Variants in CC2D2A observed in about 807,000 individuals in gnomAD.
CC2D2A encodes coiled-coil and C2 domain containing 2A.
A neutral mutation model predicts 212.9 loss-of-function variants in CC2D2A; 155 were observed. The observed-to-expected ratio is 0.73, with a 90% CI of 0.64 to 0.83. CC2D2A has a LOEUF of 0.83. CC2D2A is among the 40% of genes least tolerant of loss of function. The pLI, the probability that CC2D2A is intolerant of heterozygous loss-of-function variation, is 0.00. For missense variants in CC2D2A, 1,856 were observed against 1,956.2 expected, an observed-to-expected ratio of 0.95 and a Z score of 0.97; for synonymous variants, 667 against 686.5, an observed-to-expected ratio of 0.97 and a Z score of 0.44.
chr4:15,482,179 T>A (rs1326882999), intron 4 of CC2D2A: 2 of 985,338 alleles, frequency 2.0e-6, no homozygotes, highest in Non-Finnish European at 2.4e-6. Flanking sequence ...AAGTAGACTC[T>A]TAGATTGGAA....
intron 33 of CC2D2A, among the ~76,000 whole-genome samples, chr4:15,591,478 C>G (rs1362391212): frequency 6.6e-6 from 1 of 152,170 alleles, no homozygotes; most frequent in Admixed American, 6.5e-5. Flanking sequence ...CTCAGCCTCC[C>G]AAAGTGCTGG....
intron 11 of CC2D2A, among the ~76,000 whole-genome samples, chr4:15,524,711 A>G (rs1209889210): frequency 3.3e-5 from 5 of 152,106 alleles, no homozygotes; most frequent in Non-Finnish European, 7.4e-5. Context: ...TTGGCCTCCC[A>G]AAGTGCTGGG....
chr4:15,499,935 GGA>G (rs1715828601), intron 4 of CC2D2A, among the ~76,000 whole-genome samples: 2 of 142,874 alleles, frequency 1.4e-5, no homozygotes, highest in Admixed American at 1.4e-4. Context: ...CTGGGGAGGA[GGA>G]AACGGGTACT....
At chr4:15,555,608 G>A (rs761600395) in intron 20 of CC2D2A, among the ~76,000 whole-genome samples, 2 of 152,164 alleles carry the variant, frequency 1.3e-5, no homozygotes, top group African/African-American at 4.8e-5. Flanking sequence ...GCACGGTGGC[G>A]CATGCCTATA....
chr4:15,599,809 A>AG (rs1721501220), intron 36 of CC2D2A, 103 bp downstream of exon 36: 1 of 807,694 alleles, frequency 1.2e-6, no homozygotes, highest in African/African-American at 1.7e-5. Context: ...CGTTGCTCCC[A>AG]GAAGTACATA....
rs1700317641 is a variant in CC2D2A, at chr4:15,601,262, C to T, written c.4700C>T (p.Pro1567Leu). Reference protein sequence around the residue: ...YRFSGFPLHMPYSEVKPLIDA... With the variant: ...YRFSGFPLHMLYSEVKPLIDA... Reference sequence around the variant, plus strand: ...TTCTCTGGATTTCCTCTTCACATGCCTTATTCTGAAGTGAAGCCTTTAATT... The same window carrying T: ...TTCTCTGGATTTCCTCTTCACATGCTTTATTCTGAAGTGAAGCCTTTAATT... Residue 1567 changes from proline (P) to leucine (L), a missense_variant, in exon 37 of 37, where the codon CCT becomes CTT. Around this residue, in one of 5 missense-constraint regions of CC2D2A, gnomAD observed 285 missense variants for 278.4 expected, o/e 1.02. Coordinates refer to ENST00000424120, the MANE Select transcript of CC2D2A (RefSeq NM_001378615.1). The T allele has an allele frequency of 1.9e-6, 3 of 1,612,786 alleles. No homozygotes were observed. The highest frequency in any genetic ancestry group is 1.1e-5 in the South Asian group (1 of 90,962).
At chr4:15,475,800 T>C in intron 1 of CC2D2A, 115 bp from the exon 2 acceptor site, 1 of 832,524 alleles carries the variant, frequency 1.2e-6, no homozygotes, top group East Asian at 2.7e-5. Context: ...GTGGAAAGTC[T>C]ACCCAGCTCA....
chr4:15,531,593 T>G (rs1717852065), intron 13 of CC2D2A, among the ~76,000 whole-genome samples: 1 of 152,172 alleles, frequency 6.6e-6, no homozygotes, highest in Non-Finnish European at 1.5e-5. Flanking sequence ...ACCCCATCGA[T>G]ATCAGATTTC....
chr4:15,537,098 C>T (rs1381738957), intron 15 of CC2D2A, 22 bp downstream of exon 15: 2 of 1,610,280 alleles, frequency 1.2e-6, no homozygotes, highest in African/African-American at 1.3e-5. Context: ...AACACTCAGC[C>T]TGGAATAGGG....
chr4:15,537,819 T>C, intron 15 of CC2D2A, 80 bp from the exon 16 acceptor site: 1 of 1,422,822 alleles, frequency 7.0e-7, no homozygotes, highest in Non-Finnish European at 9.6e-7. Flanking sequence ...TGTATCCAGG[T>C]CCATCTGGCT....
intron 14 of CC2D2A, among the ~76,000 whole-genome samples, chr4:15,535,997 T>C (rs1280038297): frequency 6.6e-6 from 1 of 152,204 alleles, no homozygotes; most frequent in African/African-American, 2.4e-5. Context: ...TTCACACTTA[T>C]TTAATCCAGT....
intron 33 of CC2D2A, among the ~76,000 whole-genome samples, chr4:15,594,497 G>A (rs1343483636): frequency 6.6e-6 from 1 of 152,104 alleles, no homozygotes; most frequent in Non-Finnish European, 1.5e-5. Flanking sequence ...TCAACTGGGA[G>A]AGCTCAGCTT....
intron 27 of CC2D2A, among the ~76,000 whole-genome samples, chr4:15,569,759 A>T (rs538541741): frequency 6.6e-6 from 1 of 152,346 alleles, no homozygotes; most frequent in South Asian, 2.1e-4. Context: ...TTTTGCAAGA[A>T]TCTATTTATT....
Position 15,574,168 on chromosome 4 carries a change from A to G in CC2D2A, c.3613A>G (p.Ile1205Val), listed in dbSNP as rs1720292820. ...FQARIDGTFK[I>V]DIPPVLLGYS... ...TTCACAGATTGATGGAACATTTAAA[A>G]TAGATATTCCCCCAGTTCTTCTGGG... Residue 1205 changes from isoleucine (I) to valine (V), a missense_variant, in exon 29 of 37, where the codon ATA (isoleucine) becomes GTA (valine). By Grantham distance (29) the Ile-to-Val change is conservative. Around this residue, in one of 5 missense-constraint regions of CC2D2A, gnomAD observed 1,512 missense variants for 1,579.3 expected, o/e 0.96. Coordinates refer to ENST00000424120, the MANE Select transcript of CC2D2A (RefSeq NM_001378615.1). 6.5e-7 allele frequency: 1 copy of G among 1,546,182 alleles called. No homozygotes were observed.
chr4:15,522,753 G>A (rs990559563), intron 11 of CC2D2A, among the ~76,000 whole-genome samples: 1 of 152,068 alleles, frequency 6.6e-6, no homozygotes, highest in Non-Finnish European at 1.5e-5. Context: ...TGCTAGATAG[G>A]ACATTGCAGG....
At chr4:15,479,399 G>C in intron 3 of CC2D2A, 1 of 1,226,452 alleles carries the variant, frequency 8.2e-7, no homozygotes. Flanking sequence ...TGGGAGCTCT[G>C]CTTGGAACAA....
chr4:15,476,892 C>A (rs546667287), intron 2 of CC2D2A, among the ~76,000 whole-genome samples: 5 of 152,210 alleles, frequency 3.3e-5, no homozygotes, highest in African/African-American at 1.2e-4. Context: ...ACTTCTCTCT[C>A]GCTTCAAGGG....
At chr4:15,590,661 A>G (rs1435695409) in intron 33 of CC2D2A, among the ~76,000 whole-genome samples, 1 of 152,246 alleles carries the variant, frequency 6.6e-6, no homozygotes, top group Non-Finnish European at 1.5e-5. Flanking sequence ...TCACTACTTT[A>G]TAGAATAGTT....
At chr4:15,502,381 C>A (rs574627682) in intron 4 of CC2D2A, 48 bp from the exon 5 acceptor site, 3 of 1,427,024 alleles carry the variant, frequency 2.1e-6, no homozygotes, top group Non-Finnish European at 2.8e-6. Flanking sequence ...TTTTTCTTTT[C>A]TTTTTCTTTT....
Sources: gnomAD v4.1 joint callset for allele counts (sites outside exome capture counted in the v4.1 genomes callset) on GRCh38, gnomAD v4.1.1 for gene constraint, gnomAD v4.1.1 regional missense constraint, MANE v1.5 for transcripts, NCBI Gene and HGNC (gene_info 2026-07-23, HGNC 2026-07-21) for gene names.